Variants in DLG2 observed in about 807,000 individuals in gnomAD.
DLG2 encodes the protein disks large homolog 2.
A neutral mutation model predicts 132.5 loss-of-function variants in DLG2; 45 were observed. That is an observed-to-expected ratio of 0.34 (90% CI 0.27 to 0.44). The LOEUF (loss-of-function observed/expected upper bound fraction) is 0.44, where lower values mean the gene tolerates loss of function less well. DLG2 is among the 20% of genes least tolerant of loss of function. DLG2 has a pLI of 1.00. For synonymous variants in DLG2, 424 were observed against 419.6 expected (o/e 1.01, Z -0.13); for missense variants, 1,045 against 1,196.9 (o/e 0.87, Z 1.87).
At chr11:84,376,648 T>C (rs901618073) in intron 7 of DLG2, among the ~76,000 whole-genome samples, 1 of 151,750 alleles carries the variant, frequency 6.6e-6, no homozygotes, top group African/African-American at 2.4e-5. Context: ...TGATTTATAA[T>C]CCTTCTCTTT....
chr11:84,649,564 A>C (rs1324534082), intron 6 of DLG2, among the ~76,000 whole-genome samples: 1 of 152,196 alleles, frequency 6.6e-6, no homozygotes, highest in Non-Finnish European at 1.5e-5. Context: ...AGTGGCTATG[A>C]TTTGTGTGTT....
intron 7 of DLG2, among the ~76,000 whole-genome samples, chr11:84,354,949 T>C (rs1441106638): frequency 6.6e-6 from 1 of 152,158 alleles, no homozygotes; most frequent in Non-Finnish European, 1.5e-5. Flanking sequence ...TTACCTTCTT[T>C]GCCTCCTTTT....
intron 6 of DLG2, among the ~76,000 whole-genome samples, chr11:85,032,307 T>C (rs1566693661): frequency 6.6e-6 from 1 of 152,196 alleles, no homozygotes; most frequent in African/African-American, 2.4e-5. Context: ...CTTCCATGTT[T>C]TATGAAGTTG....
At chr11:83,851,525 G>A (rs1397832068) in intron 16 of DLG2, among the ~76,000 whole-genome samples, 1 of 151,920 alleles carries the variant, frequency 6.6e-6, no homozygotes, top group Admixed American at 6.6e-5. Flanking sequence ...TACTCGGGAG[G>A]CTGAGGCAGG....
intron 3 of DLG2, among the ~76,000 whole-genome samples, chr11:85,477,601 G>C (rs1056898905): frequency 6.6e-6 from 1 of 152,094 alleles, no homozygotes; most frequent in Non-Finnish European, 1.5e-5. Context: ...TTAAATTGCT[G>C]TATGTTCTTT....
At chr11:83,689,739 T>C (rs1244834288) in intron 18 of DLG2, among the ~76,000 whole-genome samples, 2 of 151,862 alleles carry the variant, frequency 1.3e-5, no homozygotes, top group Non-Finnish European at 2.9e-5. Context: ...AATAAGAACA[T>C]TCATCACTCA....
chr11:83,642,088 T>C (rs993439432), intron 18 of DLG2, among the ~76,000 whole-genome samples: 13 of 152,324 alleles, frequency 8.5e-5, no homozygotes, highest in African/African-American at 2.9e-4. Context: ...TCTCTTGTAC[T>C]TCTTTGCTAC....
At chr11:85,229,153 T>C (rs992361371) in intron 4 of DLG2, among the ~76,000 whole-genome samples, 14 of 151,348 alleles carry the variant, frequency 9.3e-5, no homozygotes, top group Admixed American at 7.3e-4. Context: ...TGTTTTCATA[T>C]GTTGTATACA....
intron 6 of DLG2, among the ~76,000 whole-genome samples, chr11:84,836,609 A>T (rs1014485544): frequency 6.6e-6 from 1 of 151,830 alleles, no homozygotes; most frequent in Non-Finnish European, 1.5e-5. Context: ...AACAAGGGTT[A>T]TTCAAAAATA....
At chr11:84,032,722 C>A (rs1183286335) in intron 11 of DLG2, among the ~76,000 whole-genome samples, 1 of 152,154 alleles carries the variant, frequency 6.6e-6, no homozygotes, top group Non-Finnish European at 1.5e-5. Context: ...ACTTTCGTAG[C>A]TAGAGAGGAG....
At chr11:84,654,383 T>C (rs2099685707) in intron 6 of DLG2, among the ~76,000 whole-genome samples, 1 of 152,200 alleles carries the variant, frequency 6.6e-6, no homozygotes, top group African/African-American at 2.4e-5. Flanking sequence ...TCTTAAAGAA[T>C]TGCAGTCTAC....
intron 21 of DLG2, among the ~76,000 whole-genome samples, chr11:83,521,096 G>A (rs536461539): frequency 9.2e-5 from 14 of 152,310 alleles, no homozygotes; most frequent in South Asian, 8.3e-4. Context: ...CATGAAAGAC[G>A]TCTTGTAAAC....
chr11:83,742,780 G>T (rs1198770495), intron 18 of DLG2, among the ~76,000 whole-genome samples: 1 of 152,074 alleles, frequency 6.6e-6, no homozygotes, highest in Non-Finnish European at 1.5e-5. Context: ...ATTAGAATTA[G>T]AATTTTTCTG....
At chr11:85,595,377 T>A (rs1036285844) in intron 3 of DLG2, among the ~76,000 whole-genome samples, 6 of 152,186 alleles carry the variant, frequency 3.9e-5, no homozygotes, top group Non-Finnish European at 8.8e-5. Context: ...ATTATGGAAT[T>A]CCAATTCTCT....
At chr11:83,776,832 G>T (rs111717390) in intron 18 of DLG2, among the ~76,000 whole-genome samples, 3 of 152,214 alleles carry the variant, frequency 2.0e-5, no homozygotes, top group African/African-American at 7.2e-5. Context: ...TATTATTCCC[G>T]TGGAATGCCT....
intron 4 of DLG2, among the ~76,000 whole-genome samples, chr11:85,278,655 T>C (rs2078044493): frequency 6.6e-6 from 1 of 152,262 alleles, no homozygotes; most frequent in East Asian, 1.9e-4. Flanking sequence ...CAGGTTTTAT[T>C]ACTCTTCTAA....
chr11:85,341,752 T>C (rs1260938139), intron 3 of DLG2, among the ~76,000 whole-genome samples: 4 of 152,196 alleles, frequency 2.6e-5, no homozygotes, highest in African/African-American at 7.2e-5. Context: ...TTCATCATTC[T>C]ATAAAAATCA....
At chr11:83,986,182 T>C (rs2093286059) in intron 11 of DLG2, among the ~76,000 whole-genome samples, 1 of 151,530 alleles carries the variant, frequency 6.6e-6, no homozygotes, top group African/African-American at 2.4e-5. Flanking sequence ...TAGCATTAGG[T>C]ATATCTCCTA....
intron 6 of DLG2, among the ~76,000 whole-genome samples, chr11:84,904,998 C>A (rs1274483256): frequency 6.6e-6 from 1 of 152,082 alleles, no homozygotes; most frequent in Non-Finnish European, 1.5e-5. Flanking sequence ...ATCTTAGCCT[C>A]CCAAGTAGCT....
Sources: allele counts gnomAD v4.1 joint callset (sites outside exome capture counted in the v4.1 genomes callset), GRCh38; gene constraint gnomAD v4.1.1; transcripts MANE v1.5; gene names NCBI Gene and HGNC (gene_info 2026-07-23, HGNC 2026-07-21).